Variants in C12orf42 observed in about 807,000 individuals in gnomAD.
C12orf42 encodes the protein chromosome 12 open reading frame 42, also known as uncharacterized protein C12orf42.
In C12orf42, 25 loss-of-function variants were observed where a neutral mutation model predicts 21.6. The ratio of observed to expected loss-of-function variants is 1.16; its 90% CI spans 0.84 to 1.62. The LOEUF (loss-of-function observed/expected upper bound fraction) is 1.62, where lower values mean the gene tolerates loss of function less well. Ranked by LOEUF, C12orf42 falls within the 40% of genes most tolerant of loss-of-function variation. C12orf42 has a pLI of 0.00. For missense variants in C12orf42, 483 were observed against 459.3 expected (o/e 1.05, Z -0.47); for synonymous variants, 174 against 175.0 (o/e 0.99, Z 0.05).
At chr12:103,389,628 T>C (rs536097664) in intron 3 of C12orf42, among the ~76,000 whole-genome samples, 8 of 152,354 alleles carry the variant, frequency 5.3e-5, no homozygotes, top group African/African-American at 1.7e-4. Flanking sequence ...TTCCACTGTA[T>C]GTTCCTCTTC....
the C12orf42 span, among the ~76,000 whole-genome samples, chr12:103,533,123 A>G: frequency 2.6e-5 from 4 of 152,248 alleles, no homozygotes; most frequent in Non-Finnish European, 5.9e-5. Flanking sequence ...ATGAATATTT[A>G]GTCGAGAGCA....
chr12:103,554,632 GC>G, the C12orf42 span, among the ~76,000 whole-genome samples: 1 of 151,912 alleles, frequency 6.6e-6, no homozygotes, highest in Admixed American at 6.6e-5. Flanking sequence ...ACAGGCTTCT[GC>G]TTCTGAAGAG....
intron 2 of C12orf42, among the ~76,000 whole-genome samples, chr12:103,453,481 G>A (rs1350984181): frequency 1.3e-5 from 2 of 151,326 alleles, no homozygotes; most frequent in African/African-American, 4.9e-5. Context: ...ATCAACTTTG[G>A]CAAAGTTTTT....
the C12orf42 span, among the ~76,000 whole-genome samples, chr12:103,502,153 C>A: frequency 2.0e-5 from 3 of 152,140 alleles, no homozygotes; most frequent in African/African-American, 4.8e-5. Flanking sequence ...GTTTCTAGAA[C>A]AATCTTTGCA....
At chr12:103,084,149 T>C in the C12orf42 span, among the ~76,000 whole-genome samples, 1 of 152,262 alleles carries the variant, frequency 6.6e-6, no homozygotes, top group Admixed American at 6.5e-5. Context: ...CATGGCCTTG[T>C]TGACTATTTC....
the C12orf42 span, among the ~76,000 whole-genome samples, chr12:103,177,064 G>A: frequency 6.6e-6 from 1 of 152,156 alleles, no homozygotes; most frequent in South Asian, 2.1e-4. Context: ...GAATTGCAGA[G>A]TATTCTTCTG....
At chr12:103,329,427 G>A (rs1469498185) in intron 4 of C12orf42, among the ~76,000 whole-genome samples, 2 of 152,072 alleles carry the variant, frequency 1.3e-5, no homozygotes, top group African/African-American at 4.8e-5. Context: ...AATACCTAAT[G>A]CATGTGGGGC....
the C12orf42 span, among the ~76,000 whole-genome samples, chr12:103,518,562 C>T: frequency 6.6e-6 from 1 of 152,154 alleles, no homozygotes; most frequent in East Asian, 1.9e-4. Context: ...AGAACCTAAG[C>T]CACACACCTG....
At chr12:103,070,527 C>T in the C12orf42 span, among the ~76,000 whole-genome samples, 1 of 151,826 alleles carries the variant, frequency 6.6e-6, no homozygotes, top group Non-Finnish European at 1.5e-5. Flanking sequence ...CACACACACA[C>T]ACACACACAC....
chr12:103,201,601 C>A, the C12orf42 span, among the ~76,000 whole-genome samples: 1 of 152,102 alleles, frequency 6.6e-6, no homozygotes, highest in Non-Finnish European at 1.5e-5. Flanking sequence ...ATAGAATGGT[C>A]AAGGTTGAGT....
intron 4 of C12orf42, among the ~76,000 whole-genome samples, chr12:103,282,921 G>A (rs569468034): frequency 2.2e-4 from 34 of 152,200 alleles, no homozygotes; most frequent in African/African-American, 8.2e-4. Flanking sequence ...TCTGGAGGAT[G>A]GTAGCACCTC....
At chr12:103,383,735 C>T (rs1051999571) in intron 3 of C12orf42, among the ~76,000 whole-genome samples, 2 of 152,166 alleles carry the variant, frequency 1.3e-5, no homozygotes, top group South Asian at 2.1e-4. Flanking sequence ...TACAGAAGTT[C>T]GCCTATACTT....
chr12:103,485,291 C>G (rs758108004), intron 1 of C12orf42, among the ~76,000 whole-genome samples: 3 of 152,064 alleles, frequency 2.0e-5, no homozygotes, highest in African/African-American at 7.2e-5. Flanking sequence ...TAGATGTGTG[C>G]TGTTATTTCT....
At chr12:103,272,225 T>C (rs1041521478) in intron 5 of C12orf42, among the ~76,000 whole-genome samples, 2 of 152,154 alleles carry the variant, frequency 1.3e-5, no homozygotes, top group African/African-American at 4.8e-5. Context: ...ACATTGACCA[T>C]GGCTGTCTTA....
At chr12:103,286,918 C>T (rs1483851869) in intron 4 of C12orf42, among the ~76,000 whole-genome samples, 28 of 146,218 alleles carry the variant, frequency 1.9e-4, no homozygotes, top group Middle Eastern at 3.5e-3. Flanking sequence ...CCAGCCTGGG[C>T]GACAGAGCGA....
intron 4 of C12orf42, among the ~76,000 whole-genome samples, chr12:103,312,418 A>G (rs1197019927): frequency 6.6e-6 from 1 of 152,238 alleles, no homozygotes; most frequent in Non-Finnish European, 1.5e-5. Context: ...CTTGGCCCAC[A>G]GAAAATGCTA....
At chr12:103,462,096 G>GTGTTTTTTTTTTT (rs1952751484) in intron 2 of C12orf42, among the ~76,000 whole-genome samples, 1 of 27,724 alleles carries the variant, frequency 3.6e-5, no homozygotes, top group African/African-American at 1.4e-4. Context: ...TTTTTGCTTG[G>GTGTTTTTTTTTTT]TTTTTTTTTT....
At chr12:103,326,117 TAAAG>T (rs1034731750) in intron 4 of C12orf42, among the ~76,000 whole-genome samples, 3 of 152,158 alleles carry the variant, frequency 2.0e-5, no homozygotes, top group Non-Finnish European at 2.9e-5. Context: ...TTTTTTCAAA[TAAAG>T]AAAACAAGGC....
At chr12:103,546,467 C>A in the C12orf42 span, among the ~76,000 whole-genome samples, 1 of 151,918 alleles carries the variant, frequency 6.6e-6, no homozygotes, top group African/African-American at 2.4e-5. Context: ...AATTTGGTTG[C>A]TTAGATGACA....
Sources: gnomAD v4.1 joint callset for allele counts (sites outside exome capture counted in the v4.1 genomes callset) on GRCh38, gnomAD v4.1.1 for gene constraint, MANE v1.5 for transcripts, NCBI Gene and HGNC (gene_info 2026-07-23, HGNC 2026-07-21) for gene names.